Variants in WDR41 observed in about 807,000 individuals in gnomAD.
WDR41 encodes the protein WD repeat domain 41, also known as WD repeat-containing protein 41.
A neutral mutation model predicts 69.3 loss-of-function variants in WDR41; 63 were observed. The ratio of observed to expected loss-of-function variants is 0.91; its 90% confidence interval spans 0.74 to 1.12. WDR41 has a LOEUF of 1.12. WDR41 is among the 50% of genes most tolerant of loss of function. The pLI is 0.00. For missense variants in WDR41, 543 were observed against 534.5 expected (o/e 1.02, Z -0.16); for synonymous variants, 185 against 192.1 (o/e 0.96, Z 0.31).
chr5:77,508,794 TTCTC>T (rs1207951923), intron 1 of WDR41, among the ~76,000 whole-genome samples: 4 of 128,278 alleles, frequency 3.1e-5, no homozygotes, highest in Non-Finnish European at 4.7e-5. Context: ...AGTGGTCTGT[TTCTC>T]TCCCCCCACA....
chr5:77,509,733 T>C (rs1456029296), intron 1 of WDR41, among the ~76,000 whole-genome samples: 1 of 152,190 alleles, frequency 6.6e-6, no homozygotes, highest in Non-Finnish European at 1.5e-5. Context: ...TAAGGTTTCT[T>C]CTTGAGGTGA....
At chr5:77,437,217 G>C in intron 11 of WDR41, 119 bp downstream of exon 11, 1 of 819,794 alleles carries the variant, frequency 1.2e-6, no homozygotes, top group South Asian at 1.5e-5. Context: ...ATAAACATCT[G>C]ATGCCTATTT....
intron 1 of WDR41, 66 bp downstream of exon 1, chr5:77,492,104 G>A (rs1581770176): frequency 1.9e-6 from 3 of 1,581,958 alleles, no homozygotes; most frequent in East Asian, 2.3e-5. Flanking sequence ...CAGGAAGGCC[G>A]AACCGGAACG....
intron 2 of WDR41, among the ~76,000 whole-genome samples, chr5:77,483,863 G>A (rs928663528): frequency 2.0e-5 from 3 of 152,142 alleles, no homozygotes; most frequent in African/African-American, 4.8e-5. Context: ...TCTTTTTTAA[G>A]TATCATTATG....
intron 2 of WDR41, among the ~76,000 whole-genome samples, chr5:77,475,433 T>G (rs1800865006): frequency 6.6e-6 from 1 of 152,182 alleles, no homozygotes. Context: ...CTGATAGCTT[T>G]GAAGAGAGCA....
upstream of WDR41, chr5:77,492,478 G>A (rs531740177): frequency 5.2e-5 from 22 of 425,688 alleles, no homozygotes; most frequent in South Asian, 6.2e-4. Context: ...GGGCGGCTGC[G>A]GCGATTGCGG....
intron 1 of WDR41, among the ~76,000 whole-genome samples, chr5:77,548,003 A>C (rs1236704829): frequency 6.6e-6 from 1 of 152,166 alleles, no homozygotes; most frequent in South Asian, 2.1e-4. Flanking sequence ...ACTGATCTTC[A>C]ACAAAGCAAA....
chr5:77,433,001 A>C lies in WDR41; in HGVS notation c.*134T>G. 9.5e-7 allele frequency: 1 copy of C among 1,048,756 alleles called. No individual in the cohort carries two copies. 65.0% of individuals were successfully genotyped at this position (1,048,756 alleles called of 1,614,324 possible). A position where few individuals can be genotyped will look rare whatever the true frequency, so the allele number is the denominator to read the frequency against. ...TTCCTGGTTGGTAGGTCCACAAAAA[A>C]TTTAAACATGTAGAATTTTATGGAC... On this transcript the variant is annotated 3_prime_UTR_variant, in exon 13 of 13. Transcript: ENST00000296679.
chr5:77,470,484 A>C (rs1158514807), intron 2 of WDR41, among the ~76,000 whole-genome samples: 1 of 152,214 alleles, frequency 6.6e-6, no homozygotes, highest in African/African-American at 2.4e-5. Context: ...ACAGACTGGC[A>C]AATTGGATAA....
At chr5:77,528,924 G>A (rs1802485716) in intron 1 of WDR41, among the ~76,000 whole-genome samples, 1 of 151,438 alleles carries the variant, frequency 6.6e-6, no homozygotes. Context: ...AAAACCTATA[G>A]CATTATACTT....
intron 1 of WDR41, among the ~76,000 whole-genome samples, chr5:77,554,699 A>T (rs1207354544): frequency 1.3e-5 from 2 of 151,878 alleles, no homozygotes; most frequent in Non-Finnish European, 2.9e-5. Flanking sequence ...GTATTTTGTT[A>T]TAGCAACACA....
chr5:77,478,053 G>T (rs542901674), intron 2 of WDR41, among the ~76,000 whole-genome samples: 2 of 152,230 alleles, frequency 1.3e-5, no homozygotes, highest in South Asian at 4.1e-4. Flanking sequence ...ACACCTCTAC[G>T]CAAATAAACT....
intron 1 of WDR41, among the ~76,000 whole-genome samples, chr5:77,529,738 T>C (rs1263872796): frequency 6.6e-6 from 1 of 151,580 alleles, no homozygotes; most frequent in African/African-American, 2.4e-5. Flanking sequence ...ACATGGTTTA[T>C]GAAAAATAGC....
At chr5:77,537,217 C>A (rs576991152) in intron 1 of WDR41, among the ~76,000 whole-genome samples, 1 of 152,150 alleles carries the variant, frequency 6.6e-6, no homozygotes, top group South Asian at 2.1e-4. Context: ...CCACTGTTAA[C>A]CATTGCGTTC....
At chr5:77,474,579 C>T (rs1034808454) in intron 2 of WDR41, among the ~76,000 whole-genome samples, 24 of 152,134 alleles carry the variant, frequency 1.6e-4, no homozygotes, top group Middle Eastern at 3.2e-3. Context: ...TAGATGCTGA[C>T]GCAACCAATT....
rs1352007675 is a variant in WDR41 at position 77,437,347 on chromosome 5, G to C, written c.1082C>G (p.Pro361Arg). 19 of 1,613,570 alleles carry C rather than the reference G, an allele frequency of 1.2e-5. No homozygotes were observed. The highest frequency in any genetic ancestry group is 1.4e-5 in the Non-Finnish European group (17 of 1,179,764). The change falls in exon 11 of 13, where the codon CCT becomes CGT. Residue 361 changes from proline to arginine, a missense_variant. Physicochemically the swap from Pro to Arg is moderately radical, Grantham distance 103. Coordinates refer to ENST00000296679, the MANE Select transcript of WDR41 (RefSeq NM_018268.4). ...GAGAAGACACACACCTGTTGGTACAGGCTCAGCTGCAAGCTGCTGTTTTTC... is the reference window on the plus strand; with the variant it reads ...GAGAAGACACACACCTGTTGGTACACGCTCAGCTGCAAGCTGCTGTTTTTC... Reference protein sequence around the residue: ...LREKQQLAAEPVPTGFFNMWG... With the variant: ...LREKQQLAAERVPTGFFNMWG...
At chr5:77,505,009 T>C (rs1802084041) in intron 1 of WDR41, among the ~76,000 whole-genome samples, 1 of 152,190 alleles carries the variant, frequency 6.6e-6, no homozygotes, top group Non-Finnish European at 1.5e-5. Context: ...AACATAGTGT[T>C]GGAAGTTCTG....
intron 1 of WDR41, among the ~76,000 whole-genome samples, chr5:77,527,910 T>C (rs946032780): frequency 6.6e-6 from 1 of 151,820 alleles, no homozygotes; most frequent in African/African-American, 2.4e-5. Flanking sequence ...TTGTAAGGCG[T>C]AGTTTAAAGG....
At chr5:77,613,487 G>A (rs1473386177) in intron 1 of WDR41, among the ~76,000 whole-genome samples, 3 of 151,750 alleles carry the variant, frequency 2.0e-5, no homozygotes, top group Non-Finnish European at 2.9e-5. Flanking sequence ...CAGAAATAAC[G>A]CCGCATATCT....
Sources: gnomAD v4.1 joint callset for allele counts (sites outside exome capture counted in the v4.1 genomes callset) on GRCh38, gnomAD v4.1.1 for gene constraint, MANE v1.5 for transcripts, NCBI Gene and HGNC (gene_info 2026-07-23, HGNC 2026-07-21) for gene names.